RIMS4: variants seen among roughly 807,000 people sequenced by gnomAD.
The protein encoded by RIMS4 is regulating synaptic membrane exocytosis 4, also known as regulating synaptic membrane exocytosis protein 4.
Under a neutral mutation model 29.0 loss-of-function variants are expected in RIMS4, and 9 were observed. That is an observed-to-expected ratio of 0.31 (90% CI 0.19 to 0.54). The LOEUF is 0.54. Ranked by LOEUF, RIMS4 falls within the 20% of genes least tolerant of loss-of-function variation. The probability of loss-of-function intolerance (pLI) is 0.94; values close to 1 mark genes in which losing one functional copy is unlikely to be tolerated. For missense variants in RIMS4, 193 were observed against 365.7 expected (o/e 0.53, Z 3.85); for synonymous variants, 130 against 152.9 (o/e 0.85, Z 1.10).
rs1186487134 is a variant in RIMS4 at position 44,787,673 on chromosome 20, G to C, written c.98-16260C>G. ...ATCTGCTGGGAGCTGCTTTTCCCCA[G>C]AGAAAAGTTTTGGTTTTCTCCAGGA... On this transcript the variant is annotated intron_variant, in intron 1 of 5. Coordinates refer to ENST00000372851, the MANE Select transcript of RIMS4 (RefSeq NM_182970.4). Among the ~76,000 whole-genome samples the C allele has an allele frequency of 1.4e-5, 2 of 145,582 alleles. 1 individual carries two copies. The highest frequency in any genetic ancestry group is 6.6e-3 in the Middle Eastern group (2 of 304).
Position 44,771,373 on chromosome 20 carries a change from C to T in RIMS4, c.138G>A (p.Thr46=), listed in dbSNP as rs1055478490. Residue 46 remains threonine, a synonymous_variant, in exon 2 of 6, where the codon ACG becomes ACA. Coordinates refer to ENST00000372851, the MANE Select transcript of RIMS4 (RefSeq NM_182970.4). ...GCATCTCCACTGCCAGGCCCGTCTC[C>T]GTGCTCCTCTGGATGGCCCCCTTCA... is the stretch of plus-strand genomic sequence containing the variant. ...RRLKGAIQRS[T]ETGLAVEMPS... 5.0e-6 allele frequency: 8 copies of T among 1,613,834 alleles called. No individual in the cohort carries two copies. The highest frequency in any genetic ancestry group is 2.2e-5 in the East Asian group (1 of 44,884).
chr20:44,764,201 T>C (rs201903382), intron 2 of RIMS4, among the ~76,000 whole-genome samples: 35 of 5,702 alleles, frequency 6.1e-3, no homozygotes, highest in South Asian at 0.013. Flanking sequence ...TATCCATCCA[T>C]CCATCCATCC....
intron 1 of RIMS4, among the ~76,000 whole-genome samples, chr20:44,806,424 T>C (rs2066298928): frequency 6.6e-6 from 1 of 152,022 alleles, no homozygotes; most frequent in Non-Finnish European, 1.5e-5. Flanking sequence ...GTGGCTGAAA[T>C]CCTCCCCACC....
intron 1 of RIMS4, among the ~76,000 whole-genome samples, chr20:44,772,432 T>G (rs1400899184): frequency 6.6e-6 from 1 of 152,162 alleles, no homozygotes. Context: ...TCTAGACCAT[T>G]GTAGAGCTCA....
Position 44,775,167 on chromosome 20 carries a change from A to G in RIMS4, c.98-3754T>C, listed in dbSNP as rs562228669. Among the ~76,000 whole-genome samples the G allele has an allele frequency of 3.3e-5, 5 of 152,264 alleles. No homozygotes were observed. The South Asian group carries it at 1.0e-3, about 32-fold the overall frequency. ...GCTTCTAAGTGCTGCACCTGCTGAT[A>G]AAACACACTGACGGGAGCCAGGGAG... On this transcript the variant is annotated intron_variant, in intron 1 of 5. Coordinates refer to ENST00000372851, the MANE Select transcript of RIMS4 (RefSeq NM_182970.4).
rs1186589933 is a variant in RIMS4, at chr20:44,810,492, T to TGGCGGCGGCGGCGGC, written c.-236_-222dup. On this transcript the variant is annotated 5_prime_UTR_variant, in exon 1 of 6. Transcript: ENST00000372851. ...CGGAGCCCGAGGCGCGCTGTGCTGC[T>TGGCGGCGGCGGCGGC]GGCGGCGGCGGCGGCGGCGGCGGTG... Among the ~76,000 whole-genome samples the TGGCGGCGGCGGCGGC allele has an allele frequency of 2.1e-3, 297 of 138,732 alleles. No homozygotes were observed. The highest frequency in any genetic ancestry group is 7.6e-3 in the Admixed American group (108 of 14,186). 91.0% of individuals were successfully genotyped at this position (138,732 alleles called of 152,430 possible).
At chr20:44,765,701 G>A (rs115706672) in intron 2 of RIMS4, among the ~76,000 whole-genome samples, 10 of 152,228 alleles carry the variant, frequency 6.6e-5, no homozygotes, top group African/African-American at 2.2e-4. Flanking sequence ...CCTGAGCCCG[G>A]GTTCAGTGGC....
chr20:44,774,214 G>C (rs1021788664), intron 1 of RIMS4, among the ~76,000 whole-genome samples: 1 of 152,092 alleles, frequency 6.6e-6, no homozygotes, highest in Admixed American at 6.6e-5. Flanking sequence ...ATCCCACGTG[G>C]CTGAGATGTG....
intron 2 of RIMS4, among the ~76,000 whole-genome samples, chr20:44,760,076 G>C (rs148495756): frequency 6.6e-6 from 1 of 152,304 alleles, no homozygotes. Flanking sequence ...AAACAGACTT[G>C]AAAGAATAGG....
At chr20:44,797,237 A>C (rs2066258916) in intron 1 of RIMS4, among the ~76,000 whole-genome samples, 1 of 152,228 alleles carries the variant, frequency 6.6e-6, no homozygotes, top group African/African-American at 2.4e-5. Flanking sequence ...TTGTAAATAA[A>C]GTTTTATTAG....
In RIMS4 at chr20:44,810,522, C is replaced by CGGCGGCGGCGGCGGCGGCGGCGGT. The variant is rs1411407147; in HGVS notation, c.-252_-251insACCGCCGCCGCCGCCGCCGCCGCC. Among the ~76,000 whole-genome samples, 1 of 143,578 alleles carries CGGCGGCGGCGGCGGCGGCGGCGGT rather than the reference C, an allele frequency of 7.0e-6. No homozygotes were observed. Among genetic ancestry groups the CGGCGGCGGCGGCGGCGGCGGCGGT allele is most frequent in the East Asian group, 2.0e-4 (1 of 4,980 alleles). 94.2% of individuals were successfully genotyped at this position (143,578 alleles called of 152,430 possible). ...GCGGCGGCGGCGGCGGCGGTGGCGGCGGCGGTGGCGGCGCAGCGCGCTCTG... is the reference window on the plus strand; with the variant it reads ...GCGGCGGCGGCGGCGGCGGTGGCGGCGGCGGCGGCGGCGGCGGCGGCGGTGGCGGTGGCGGCGCAGCGCGCTCTG... On this transcript the variant is annotated 5_prime_UTR_variant, in exon 1 of 6. Coordinates refer to ENST00000372851, the MANE Select transcript of RIMS4 (RefSeq NM_182970.4).
intron 1 of RIMS4, among the ~76,000 whole-genome samples, chr20:44,798,304 G>A (rs1352529014): frequency 1.3e-5 from 2 of 152,216 alleles, no homozygotes; most frequent in Non-Finnish European, 2.9e-5. Context: ...ACAAGTGTTG[G>A]AATAGGCCTG....
chr20:44,756,427 C>T lies in RIMS4; in HGVS notation c.592-75G>A. 1 of 1,278,596 alleles carries T rather than the reference C, an allele frequency of 7.8e-7. No homozygotes were observed. Among genetic ancestry groups the T allele is most frequent in the South Asian group, 1.3e-5 (1 of 77,192 alleles). The allele number at this position is 1,278,596 out of a possible 1,614,324, so 79.2% of individuals were successfully genotyped here. Reference sequence around the variant, plus strand: ...GGCCCAGAAGCAGAACCTGGGTCGCCCCATGCCCAATCCAGCTCAGTCCTG... The same window carrying T: ...GGCCCAGAAGCAGAACCTGGGTCGCTCCATGCCCAATCCAGCTCAGTCCTG... On this transcript the variant is annotated intron_variant, in intron 5 of 5. Transcript: ENST00000372851. This position sits in a 1 kb window ranked among gnomAD's most constrained non-coding sequence, Gnocchi z 5.9.
chr20:44,764,588 G>A (rs2066105820), intron 2 of RIMS4, among the ~76,000 whole-genome samples: 1 of 152,182 alleles, frequency 6.6e-6, no homozygotes, highest in African/African-American at 2.4e-5. Flanking sequence ...AAAAACTGAA[G>A]TCAATGGAAA....
At position 44,799,707 on chromosome 20, in the gene RIMS4, G is replaced by A. The variant is rs1276104172; in HGVS notation, c.97+10468C>T. On this transcript the variant is annotated intron_variant, in intron 1 of 5. Coordinates refer to ENST00000372851, the MANE Select transcript of RIMS4 (RefSeq NM_182970.4). Reference sequence around the variant, plus strand: ...CAGCAAACTTGAGGCCTCAGGTGCCGCAGGGTCCATGATGGCTACTTGGGG... The same window carrying A: ...CAGCAAACTTGAGGCCTCAGGTGCCACAGGGTCCATGATGGCTACTTGGGG... Among the ~76,000 whole-genome samples, 5 of 152,238 alleles carry A rather than the reference G, an allele frequency of 3.3e-5. No homozygotes were observed. In the East Asian group the frequency reaches 5.8e-4, roughly 18 times the overall value.
intron 1 of RIMS4, among the ~76,000 whole-genome samples, chr20:44,787,569 C>G (rs1471052576): frequency 1.3e-5 from 2 of 152,044 alleles, no homozygotes; most frequent in Admixed American, 1.3e-4. Flanking sequence ...CTGATCACAC[C>G]CTGTCCTGTT....
intron 2 of RIMS4, among the ~76,000 whole-genome samples, chr20:44,763,026 G>A (rs2066092928): frequency 6.6e-6 from 1 of 152,182 alleles, no homozygotes; most frequent in African/African-American, 2.4e-5. Flanking sequence ...TCTGCTTACG[G>A]CATCCATGAG....
intron 1 of RIMS4, among the ~76,000 whole-genome samples, chr20:44,807,053 C>T (rs2066301979): frequency 6.6e-6 from 1 of 151,802 alleles, no homozygotes; most frequent in Admixed American, 6.6e-5. Flanking sequence ...CGATTACAAA[C>T]CCAGTGCCAA....
chr20:44,798,574 C>T (rs1172232624), intron 1 of RIMS4, among the ~76,000 whole-genome samples: 2 of 152,196 alleles, frequency 1.3e-5, no homozygotes, highest in Non-Finnish European at 2.9e-5. Flanking sequence ...CTAAGCAGGT[C>T]CCCCATCACT....
Sources: allele counts gnomAD v4.1 joint callset (sites outside exome capture counted in the v4.1 genomes callset), GRCh38; gene constraint gnomAD v4.1.1; non-coding constraint Gnocchi (gnomAD v3.1); transcripts MANE v1.5; gene names NCBI Gene and HGNC (gene_info 2026-07-23, HGNC 2026-07-21).